The following FMN2 variants were observed in gnomAD, a reference collection of about 807,000 sequenced individuals.
FMN2 encodes the protein formin 2, also known as formin-2.
In FMN2, 51 loss-of-function variants were observed where a neutral mutation model predicts 142.3. The observed-to-expected ratio is 0.36, with a 90% confidence interval of 0.29 to 0.45. The LOEUF is 0.45. Ranked by LOEUF, FMN2 falls within the 20% of genes least tolerant of loss-of-function variation. The pLI, the probability that FMN2 is intolerant of heterozygous loss-of-function variation, is 1.00. For missense variants in FMN2, 1,936 were observed against 2,122.8 expected, an observed-to-expected ratio of 0.91 and a Z score of 1.73; for synonymous variants, 882 against 869.8, an observed-to-expected ratio of 1.01 and a Z score of -0.25.
chr1:240,132,412 A>G (rs1391918678), intron 2 of FMN2, among the ~76,000 whole-genome samples: 1 of 152,172 alleles, frequency 6.6e-6, no homozygotes, highest in Non-Finnish European at 1.5e-5. Flanking sequence ...GAATGAATTC[A>G]TTGGTGGTTG....
At chr1:240,295,932 C>G (rs1038206596) in intron 8 of FMN2, among the ~76,000 whole-genome samples, 10 of 152,188 alleles carry the variant, frequency 6.6e-5, no homozygotes, top group Non-Finnish European at 8.8e-5. Flanking sequence ...CCTGTTATCT[C>G]TCTCCTAATA....
chr1:240,331,938 C>A (rs1031216858), intron 11 of FMN2, among the ~76,000 whole-genome samples: 2 of 152,166 alleles, frequency 1.3e-5, no homozygotes, highest in African/African-American at 4.8e-5. Context: ...TGGGTACTCG[C>A]AGTACAGTTT....
At chr1:240,382,535 C>T (rs1040336033) in intron 14 of FMN2, among the ~76,000 whole-genome samples, 4 of 152,024 alleles carry the variant, frequency 2.6e-5, no homozygotes, top group African/African-American at 7.2e-5. Flanking sequence ...GTGGTGGCTG[C>T]CTGTAATCTA....
chr1:240,324,001 G>A (rs1671067562), intron 8 of FMN2, among the ~76,000 whole-genome samples: 1 of 152,186 alleles, frequency 6.6e-6, no homozygotes, highest in East Asian at 1.9e-4. Context: ...AGGAACACCT[G>A]TCACACTGTT....
intron 14 of FMN2, among the ~76,000 whole-genome samples, chr1:240,389,928 G>C (rs1048499947): frequency 6.6e-6 from 1 of 152,084 alleles, no homozygotes; most frequent in African/African-American, 2.4e-5. Context: ...CTGCAGCCTG[G>C]GTGACAAAGT....
intron 16 of FMN2, among the ~76,000 whole-genome samples, chr1:240,450,510 A>G (rs916423185): frequency 1.3e-5 from 2 of 152,168 alleles, no homozygotes; most frequent in Non-Finnish European, 2.9e-5. Context: ...GTAATACTAA[A>G]CATTCCCTAA....
intron 1 of FMN2, among the ~76,000 whole-genome samples, chr1:240,117,459 A>G (rs1662068427): frequency 6.6e-6 from 1 of 152,248 alleles, no homozygotes; most frequent in South Asian, 2.1e-4. Flanking sequence ...GCGCCGAAAC[A>G]GGTCGTGGTT....
chr1:240,144,018 C>T (rs1558317841), intron 2 of FMN2: 1 of 1,164,572 alleles, frequency 8.6e-7, no homozygotes, highest in Non-Finnish European at 1.3e-6. Context: ...TTCCAGACCC[C>T]AGAGTTCACT....
In FMN2 at chr1:240,092,967, G is replaced by A; in HGVS notation, c.858G>A (p.Glu286=). 7.1e-7 allele frequency: 1 copy of A among 1,408,298 alleles called. No homozygotes were observed. Among genetic ancestry groups the A allele is most frequent in the South Asian group, 1.5e-5 (1 of 64,974 alleles). 87.2% of individuals were successfully genotyped at this position (1,408,298 alleles called of 1,614,324 possible). Residue 286 remains glutamate (E), a synonymous_variant, in exon 1 of 18, where the codon GAG becomes GAA. Coordinates refer to ENST00000319653, the MANE Select transcript of FMN2 (RefSeq NM_020066.5). Reference sequence around the variant, plus strand: ...ACCTGCCCGAGAGCCTGGCCGCCGAGCCCCGGGAGCCCCAGCAACCGCCGT... The same window carrying A: ...ACCTGCCCGAGAGCCTGGCCGCCGAACCCCGGGAGCCCCAGCAACCGCCGT... The part of the protein sequence containing the change: ...LSDLPESLAA[E]PREPQQPPSP...
At chr1:240,345,210 T>A (rs1315544589) in intron 13 of FMN2, among the ~76,000 whole-genome samples, 1 of 152,222 alleles carries the variant, frequency 6.6e-6, no homozygotes, top group African/African-American at 2.4e-5. Context: ...AAAGATTCAC[T>A]GATAGCCACA....
At position 240,474,389 on chromosome 1, in the gene FMN2, T is replaced by C; in HGVS notation, c.*235T>C. The C allele has an allele frequency of 2.2e-6, 1 of 451,984 alleles. No individual in the cohort carries two copies. The highest frequency in any genetic ancestry group is 3.9e-6 in the Non-Finnish European group (1 of 257,440). The allele number at this position is 451,984 out of a possible 1,614,324, so 28.0% of individuals were successfully genotyped here. A position where few individuals can be genotyped will look rare whatever the true frequency, so the allele number is the denominator to read the frequency against. ...GACACCTTTTCTTTTTGTAAAAGTTTATGGTATTATACCGATAGACCAAAA... is the reference window on the plus strand; with the variant it reads ...GACACCTTTTCTTTTTGTAAAAGTTCATGGTATTATACCGATAGACCAAAA... On this transcript the variant is annotated 3_prime_UTR_variant, in exon 18 of 18. Transcript: ENST00000319653.
In FMN2 at chr1:240,210,502, G is replaced by A. The variant is rs116537454; in HGVS notation, c.3921-589G>A. Among the ~76,000 whole-genome samples, 329 of 152,228 alleles carry A rather than the reference G, an allele frequency of 2.2e-3. 1 individual carries two copies. The highest frequency in any genetic ancestry group is 7.6e-3 in the African/African-American group (315 of 41,534). On this transcript the variant is annotated intron_variant, in intron 5 of 17. Transcript: ENST00000319653. ...TTGTTACCACGCCACTTATGTATGT[G>A]GGTGATTCATTTTAAACTGTGCCCC... is the stretch of plus-strand genomic sequence containing the variant.
At chr1:240,344,456 C>G (rs1558444066) in intron 13 of FMN2, among the ~76,000 whole-genome samples, 1 of 152,052 alleles carries the variant, frequency 6.6e-6, no homozygotes, top group Non-Finnish European at 1.5e-5. Flanking sequence ...AGTTGATAAG[C>G]CTCAAGTATT....
chr1:240,329,586 C>T, intron 10 of FMN2, 118 bp downstream of exon 10: 4 of 1,317,812 alleles, frequency 3.0e-6, no homozygotes, highest in East Asian at 2.4e-5. Flanking sequence ...TTTGAAGGAT[C>T]GCAGTCCCAC....
chr1:240,112,978 AG>A (rs1163644351), intron 1 of FMN2, among the ~76,000 whole-genome samples: 2 of 152,364 alleles, frequency 1.3e-5, no homozygotes, highest in African/African-American at 4.8e-5. Context: ...AAAGAGTAGG[AG>A]CTCAGGAAAT....
At chr1:240,149,055 C>T (rs1020583307) in intron 2 of FMN2, among the ~76,000 whole-genome samples, 1 of 151,980 alleles carries the variant, frequency 6.6e-6, no homozygotes, top group African/African-American at 2.4e-5. Context: ...AGCCTAAACC[C>T]CAGGGTTTTT....
At chr1:240,349,494 C>T (rs74608119) in intron 13 of FMN2, among the ~76,000 whole-genome samples, 1 of 149,228 alleles carries the variant, frequency 6.7e-6, no homozygotes, top group Admixed American at 6.7e-5. Context: ...ATTCCCTACT[C>T]AAAAAAAAAA....
chr1:240,305,333 A>C (rs919145965), intron 8 of FMN2, among the ~76,000 whole-genome samples: 2 of 152,202 alleles, frequency 1.3e-5, no homozygotes, highest in Admixed American at 6.5e-5. Flanking sequence ...AGATATATTC[A>C]ATCTAGGTTT....
intron 16 of FMN2, among the ~76,000 whole-genome samples, chr1:240,470,206 T>C (rs905843063): frequency 3.1e-4 from 15 of 47,902 alleles, no homozygotes; most frequent in African/African-American, 1.3e-3. Flanking sequence ...GACTAAGTGC[T>C]GAAAAAAAAA....
Sources: allele counts gnomAD v4.1 joint callset (sites outside exome capture counted in the v4.1 genomes callset), GRCh38; gene constraint gnomAD v4.1.1; transcripts MANE v1.5; gene names NCBI Gene and HGNC (gene_info 2026-07-23, HGNC 2026-07-21).